EPC1: variants seen among roughly 807,000 people sequenced by gnomAD.
The protein encoded by EPC1 is enhancer of polycomb homolog 1.
Under a neutral mutation model 98.4 loss-of-function variants are expected in EPC1, and 12 were observed. The observed-to-expected ratio is 0.12, with a 90% confidence interval of 0.08 to 0.20. The LOEUF (loss-of-function observed/expected upper bound fraction) is 0.20. Among genes scored for constraint, EPC1 ranks in the 10% least tolerant of loss-of-function variants. The pLI is 1.00. For missense variants in EPC1, 729 were observed against 990.5 expected, an observed-to-expected ratio of 0.74 and a Z score of 3.54; for synonymous variants, 357 against 363.9, an observed-to-expected ratio of 0.98 and a Z score of 0.21.
intron 1 of EPC1, among the ~76,000 whole-genome samples, chr10:32,378,320 T>A (rs1049320349): frequency 2.0e-5 from 3 of 150,558 alleles, no homozygotes; most frequent in Non-Finnish European, 3.0e-5. Flanking sequence ...AAAAAAACTA[T>A]TTTTTTTTCT....
At chr10:32,340,299 A>T (rs1255708098) in intron 1 of EPC1, among the ~76,000 whole-genome samples, 3 of 152,238 alleles carry the variant, frequency 2.0e-5, no homozygotes, top group African/African-American at 7.2e-5. Flanking sequence ...ATATTATAGT[A>T]GATGTAATAA....
chr10:32,306,047 T>A, intron 1 of EPC1, 116 bp from the exon 2 acceptor site: 1 of 880,020 alleles, frequency 1.1e-6, no homozygotes, highest in Non-Finnish European at 1.6e-6. Flanking sequence ...ATTCTAGTAG[T>A]AGATCTTAAA....
At chr10:32,329,538 G>A (rs1837513551) in intron 1 of EPC1, among the ~76,000 whole-genome samples, 1 of 152,202 alleles carries the variant, frequency 6.6e-6, no homozygotes, top group Non-Finnish European at 1.5e-5. Flanking sequence ...ATGAGGGCTA[G>A]CAGTTAAGCT....
chr10:32,332,523 C>T (rs1193594972), intron 1 of EPC1, among the ~76,000 whole-genome samples: 1 of 152,168 alleles, frequency 6.6e-6, no homozygotes, highest in East Asian at 1.9e-4. Flanking sequence ...TGTCTTACCA[C>T]TTGGTACACA....
chr10:32,313,304 G>C (rs545428454), intron 1 of EPC1, among the ~76,000 whole-genome samples: 3 of 152,254 alleles, frequency 2.0e-5, no homozygotes, highest in Admixed American at 6.5e-5. Context: ...AATTAACTTA[G>C]TCTAAATTTA....
At chr10:32,325,995 G>A (rs1293061445) in intron 1 of EPC1, among the ~76,000 whole-genome samples, 12 of 152,058 alleles carry the variant, frequency 7.9e-5, no homozygotes, top group Admixed American at 7.9e-4. Flanking sequence ...TTTAATAGTA[G>A]GAAGAAGGAT....
At chr10:32,358,904 T>C (rs967914743) in intron 1 of EPC1, among the ~76,000 whole-genome samples, 4 of 152,210 alleles carry the variant, frequency 2.6e-5, no homozygotes, top group African/African-American at 7.2e-5. Flanking sequence ...TAAAGAATTC[T>C]GTATAAAACT....
In EPC1 at chr10:32,375,986, G is replaced by A. The variant is rs187758406; in HGVS notation, c.3+2505C>T. 1.6e-3 allele frequency among the ~76,000 whole-genome samples: 249 copies of A among 151,922 alleles called. 1 individual carries two copies. Among genetic ancestry groups the A allele is most frequent in the Non-Finnish European group, 3.0e-3 (205 of 67,820 alleles). ...ATCAATTAAAAAAAATAATGTTCAA[G>A]GAATCAAGAGCTAAAATGAAGCTCA... On this transcript the variant is annotated intron_variant, in intron 1 of 13. Transcript: ENST00000375110.
intron 1 of EPC1, among the ~76,000 whole-genome samples, chr10:32,368,465 C>G (rs77866511): frequency 5.9e-5 from 9 of 152,342 alleles, no homozygotes; most frequent in Non-Finnish European, 1.2e-4. Flanking sequence ...CAATCTTTAT[C>G]TGCTGAAAGT....
Position 32,291,130 on chromosome 10 carries a change from A to G in EPC1, c.975+33T>C, listed in dbSNP as rs192519119. 1.7e-5 allele frequency: 26 copies of G among 1,572,746 alleles called. 3 individuals carry two copies. In the African/African-American group the frequency reaches 2.6e-4, roughly 16 times the overall value. On this transcript the variant is annotated intron_variant, in intron 6 of 13. Coordinates refer to ENST00000319778, the MANE Select transcript of EPC1 (RefSeq NM_001272004.3). ...TCTAATGATAAAATACCATCCCATT[A>G]TTAGATACTATTATCACAAAAACAT...
intron 10 of EPC1, chr10:32,284,226 T>C (rs947372552): frequency 6.5e-6 from 1 of 152,818 alleles, no homozygotes; most frequent in African/African-American, 2.4e-5. Flanking sequence ...CCTTTAAATG[T>C]TCTTCTCTGA....
chr10:32,348,374 T>G (rs1838993876), upstream of EPC1, among the ~76,000 whole-genome samples: 1 of 152,150 alleles, frequency 6.6e-6, no homozygotes, highest in Admixed American at 6.6e-5. Context: ...TTGTATCTTG[T>G]GCAACAAGAT....
chr10:32,347,000 C>A lies in EPC1; in HGVS notation c.-85G>T. The A allele has an allele frequency of 6.4e-7, 1 of 1,552,496 alleles. No individual in the cohort carries two copies. Among genetic ancestry groups the A allele is most frequent in the South Asian group, 1.2e-5 (1 of 84,458 alleles). On this transcript the variant is annotated 5_prime_UTR_variant, in exon 1 of 14. Transcript: ENST00000319778. ...GAGAACCGGGGGTTCGGTCCCCACT[C>A]GCCAACCGCTGCCGGGGACTTGAGG...
chr10:32,277,741 A>AT (rs947026717), intron 10 of EPC1, among the ~76,000 whole-genome samples: 1 of 151,850 alleles, frequency 6.6e-6, no homozygotes, highest in African/African-American at 2.4e-5. Flanking sequence ...TAATTTTTGT[A>AT]TTTTTTTGTA....
chr10:32,357,615 T>G (rs765571841), intron 1 of EPC1, among the ~76,000 whole-genome samples: 4 of 152,008 alleles, frequency 2.6e-5, no homozygotes, highest in African/African-American at 9.7e-5. Context: ...CGTGCCACCA[T>G]GTCTGGATAA....
Position 32,293,065 on chromosome 10 carries a change from C to T in EPC1, c.589G>A (p.Glu197Lys). Residue 197 changes from glutamate to lysine, a missense_variant, in exon 4 of 14, where the codon GAG becomes AAG. Glu to Lys is a moderately conservative substitution (Grantham distance 56). This residue lies in a region of EPC1 where 94 missense variants were observed against 125.1 expected (regional missense o/e 0.75). Transcript: ENST00000319778. ...GPSLIPSVKQ[E>K]KRDGSSTNDP... ...TTTGTGCTGGAACCATCTCGCTTCT[C>T]TTGTTTTACTGATGGAATAAGAGAT... 6.2e-7 allele frequency: 1 copy of T among 1,613,468 alleles called. No homozygotes were observed. The highest frequency in any genetic ancestry group is 8.5e-7 in the Non-Finnish European group (1 of 1,179,674).
At chr10:32,346,229 G>A (rs1838791351) in intron 1 of EPC1, among the ~76,000 whole-genome samples, 1 of 152,338 alleles carries the variant, frequency 6.6e-6, no homozygotes, top group African/African-American at 2.4e-5. Flanking sequence ...GGGCTGCACT[G>A]AGCCCAACAA....
At chr10:32,300,581 A>C (rs1470100137) in intron 2 of EPC1, among the ~76,000 whole-genome samples, 1 of 151,524 alleles carries the variant, frequency 6.6e-6, no homozygotes, top group Non-Finnish European at 1.5e-5. Context: ...TTACAGATGC[A>C]CACCACCATG....
intron 2 of EPC1, among the ~76,000 whole-genome samples, chr10:32,298,954 G>A (rs184315889): frequency 1.6e-4 from 24 of 152,172 alleles, no homozygotes; most frequent in Non-Finnish European, 2.2e-4. Flanking sequence ...AAAAGTATCC[G>A]TTAAAAAAAC....
Sources: gnomAD v4.1 joint callset for allele counts (sites outside exome capture counted in the v4.1 genomes callset) on GRCh38, gnomAD v4.1.1 for gene constraint, gnomAD v4.1.1 regional missense constraint, MANE v1.5 for transcripts, NCBI Gene and HGNC (gene_info 2026-07-23, HGNC 2026-07-21) for gene names.